The following LYPD6B variants were observed in gnomAD, a reference collection of about 807,000 sequenced individuals.
LYPD6B encodes ly6/PLAUR domain-containing protein 6B.
Under a neutral mutation model 22.8 loss-of-function variants are expected in LYPD6B, and 17 were observed. The observed-to-expected ratio is 0.75, with a 90% CI of 0.51 to 1.12. The LOEUF is 1.12. LYPD6B is among the 50% of genes most tolerant of loss of function. The pLI is 0.00. For synonymous variants in LYPD6B, 106 were observed against 91.6 expected, an observed-to-expected ratio of 1.16 and a Z score of -0.90; for missense variants, 221 against 258.3, an observed-to-expected ratio of 0.86 and a Z score of 0.99.
chr2:149,193,521 G>A (rs1302640882), intron 3 of LYPD6B, among the ~76,000 whole-genome samples: 1 of 152,088 alleles, frequency 6.6e-6, no homozygotes, highest in African/African-American at 2.4e-5. Flanking sequence ...GAGTAGAAGA[G>A]GGGGAAGAGG....
At chr2:149,188,367 T>C (rs759801688) in intron 3 of LYPD6B, among the ~76,000 whole-genome samples, 3 of 152,178 alleles carry the variant, frequency 2.0e-5, no homozygotes, top group Non-Finnish European at 2.9e-5. Flanking sequence ...TGTCAAGCCA[T>C]GGGCTGGTTG....
chr2:149,056,015 T>G (rs1683770790), intron 1 of LYPD6B, among the ~76,000 whole-genome samples: 1 of 152,216 alleles, frequency 6.6e-6, no homozygotes, highest in African/African-American at 2.4e-5. Flanking sequence ...CTTAAGAATC[T>G]GAGTGATAGA....
At chr2:149,120,998 G>C (rs10930275) in intron 1 of LYPD6B, among the ~76,000 whole-genome samples, 15,711 of 151,662 alleles carry the variant, frequency 0.1, 2,316 homozygotes, top group African/African-American at 0.31. Context: ...CACCATGTTG[G>C]CCAGGCTGGT....
At chr2:149,114,508 C>G (rs1686908732) in intron 1 of LYPD6B, among the ~76,000 whole-genome samples, 1 of 152,194 alleles carries the variant, frequency 6.6e-6, no homozygotes, top group Non-Finnish European at 1.5e-5. Flanking sequence ...TCCATTAGAG[C>G]TGGGCTGTCA....
intron 3 of LYPD6B, chr2:149,204,688 C>T (rs1693394201): frequency 6.5e-6 from 1 of 154,294 alleles, no homozygotes; most frequent in Non-Finnish European, 1.5e-5. Flanking sequence ...TCTCTCTTCT[C>T]AATGTCGGTG....
At chr2:149,081,034 A>G (rs1685112694) in intron 1 of LYPD6B, among the ~76,000 whole-genome samples, 1 of 152,014 alleles carries the variant, frequency 6.6e-6, no homozygotes, top group South Asian at 2.1e-4. Flanking sequence ...TCCTTTCCTG[A>G]ATTTAGTTGC....
At chr2:149,135,719 CAAAAAAAAAA>C (rs386391471) in intron 2 of LYPD6B, among the ~76,000 whole-genome samples, 1 of 32,228 alleles carries the variant, frequency 3.1e-5, no homozygotes, top group Non-Finnish European at 6.2e-5. Flanking sequence ...GACCATGTCT[CAAAAAAAAAA>C]AAAAAAAAAA....
chr2:149,048,484 T>C (rs1683410760), intron 1 of LYPD6B, among the ~76,000 whole-genome samples: 2 of 152,210 alleles, frequency 1.3e-5, no homozygotes, highest in South Asian at 4.1e-4. Context: ...TCTGTCTCCA[T>C]GCTCTTTCAA....
At chr2:149,170,114 G>A (rs192855356) in intron 3 of LYPD6B, among the ~76,000 whole-genome samples, 1 of 152,220 alleles carries the variant, frequency 6.6e-6, no homozygotes. Context: ...ATTGCCAAAA[G>A]TGGCCATCTT....
At chr2:149,046,115 C>A (rs1683293737) in intron 1 of LYPD6B, among the ~76,000 whole-genome samples, 1 of 152,114 alleles carries the variant, frequency 6.6e-6, no homozygotes, top group African/African-American at 2.4e-5. Context: ...TCTTGGAGAA[C>A]ATCTTGATCC....
intron 1 of LYPD6B, among the ~76,000 whole-genome samples, chr2:149,075,647 A>C (rs578113617): frequency 5.6e-4 from 86 of 152,332 alleles, no homozygotes; most frequent in African/African-American, 1.9e-3. Context: ...ACCTATAACT[A>C]ATGTGCATAG....
At chr2:149,126,621 G>A (rs894106798) in intron 1 of LYPD6B, among the ~76,000 whole-genome samples, 56 of 152,246 alleles carry the variant, frequency 3.7e-4, no homozygotes, top group African/African-American at 1.3e-3. Context: ...GGGTGGGAGA[G>A]GCAGAAGAAA....
rs67113716 is a variant in LYPD6B at position 149,173,349 on chromosome 2, C to CTTTTTTTTTTTTTTTTTTTTTTT, written c.77+12534_77+12535insTTTTTTTTTTTTTTTTTTTTTTT. On this transcript the variant is annotated intron_variant, in intron 3 of 6. Coordinates refer to ENST00000409642, the MANE Select transcript of LYPD6B (RefSeq NM_177964.5). Reference sequence around the variant, plus strand: ...AGCTTGATGCTTTAGTCTGTCAGGCCTTTTTTTTTTTTTTTTTTTTGCATC... The same window carrying CTTTTTTTTTTTTTTTTTTTTTTT: ...AGCTTGATGCTTTAGTCTGTCAGGCCTTTTTTTTTTTTTTTTTTTTTTTTTTTTTTTTTTTTTTTTTTTGCATC... Among the ~76,000 whole-genome samples the CTTTTTTTTTTTTTTTTTTTTTTT allele has an allele frequency of 1.7e-4, 10 of 58,484 alleles. 1 individual carries two copies. The highest frequency in any genetic ancestry group is 2.0e-4 in the Non-Finnish European group (7 of 34,438). The allele number at this position is 58,484 out of a possible 152,430, so 38.4% of individuals were successfully genotyped here.
chr2:149,184,176 A>G (rs1177670935), intron 3 of LYPD6B, among the ~76,000 whole-genome samples: 1 of 123,924 alleles, frequency 8.1e-6, no homozygotes, highest in African/African-American at 2.7e-5. Context: ...ACAAGAGTGA[A>G]ACTCCATCTC....
intron 3 of LYPD6B, among the ~76,000 whole-genome samples, chr2:149,186,814 A>G (rs991582128): frequency 1.3e-5 from 2 of 152,212 alleles, no homozygotes; most frequent in Admixed American, 6.5e-5. Context: ...ATTTTGAAAA[A>G]TGTTCTATGG....
intron 1 of LYPD6B, among the ~76,000 whole-genome samples, chr2:149,041,356 A>C (rs1489370369): frequency 1.3e-5 from 2 of 152,220 alleles, no homozygotes; most frequent in Non-Finnish European, 2.9e-5. Context: ...AGAAAAAAGA[A>C]GGCCGGGGCT....
chr2:149,151,478 C>T (rs370506), intron 2 of LYPD6B, among the ~76,000 whole-genome samples: 98,797 of 152,006 alleles, frequency 0.65, 32,277 homozygotes, highest in South Asian at 0.76. Flanking sequence ...TGTAGTCTTC[C>T]GTAGGATCAG....
chr2:149,086,917 G>A lies in LYPD6B; in HGVS notation c.-66-43966G>A, dbSNP rs1207460877. Among the ~76,000 whole-genome samples the A allele has an allele frequency of 2.6e-5, 4 of 151,874 alleles. No individual in the cohort carries two copies. In the East Asian group the frequency reaches 5.8e-4, roughly 22 times the overall value. ...TTCTTTTTGTTAAATAAGGATATCC[G>A]CCATCTTGCATTAAAGCCTACTCTA... On this transcript the variant is annotated intron_variant, in intron 1 of 6. Transcript: ENST00000409642.
chr2:149,101,632 C>T (rs781288254), intron 1 of LYPD6B: 2 of 152,312 alleles, frequency 1.3e-5, no homozygotes, highest in Non-Finnish European at 2.9e-5. Flanking sequence ...CTCCCACAGG[C>T]ACCGTCCTCT....
Sources: allele counts gnomAD v4.1 joint callset (sites outside exome capture counted in the v4.1 genomes callset), GRCh38; gene constraint gnomAD v4.1.1; transcripts MANE v1.5; gene names NCBI Gene and HGNC (gene_info 2026-07-23, HGNC 2026-07-21).